USP39: variants seen among roughly 807,000 people sequenced by gnomAD.
USP39 encodes ubiquitin carboxyl-terminal hydrolase 39.
In USP39, 38 loss-of-function variants were observed where a neutral mutation model predicts 66.4. The observed-to-expected ratio is 0.57, with a 90% CI of 0.44 to 0.75. The LOEUF (loss-of-function observed/expected upper bound fraction) is 0.75, where lower values mean the gene tolerates loss of function less well. USP39 is among the 30% of genes least tolerant of loss of function. The pLI is 0.00. For synonymous variants in USP39, 303 were observed against 274.6 expected (o/e 1.10, Z -1.02); for missense variants, 608 against 714.4 (o/e 0.85, Z 1.70).
intron 10 of USP39, 117 bp from the exon 11 acceptor site, chr2:85,644,831 C>A: frequency 7.2e-7 from 1 of 1,393,624 alleles, no homozygotes; most frequent in Non-Finnish European, 9.7e-7. Context: ...GCAAGCCTAC[C>A]CAGAGAAAGG....
intron 10 of USP39, among the ~76,000 whole-genome samples, chr2:85,643,049 C>T (rs1235039645): frequency 1.4e-5 from 2 of 144,782 alleles, no homozygotes; most frequent in Non-Finnish European, 3.0e-5. Context: ...CCTGCCTGGA[C>T]AACATAGCAA....
upstream of USP39, chr2:85,609,456 G>C (rs751887839): frequency 9.9e-6 from 16 of 1,614,048 alleles, no homozygotes; most frequent in African/African-American, 1.7e-4. Context: ...TAACTGATGT[G>C]ACCTCTCCAC....
chr2:85,611,113 G>T, upstream of USP39: 1 of 318,348 alleles, frequency 3.1e-6, no homozygotes, highest in Non-Finnish European at 4.8e-6. Flanking sequence ...GGTGGCACAC[G>T]CCTGTGGTCC....
At chr2:85,605,752 T>C (rs1038059298) in intron 1 of USP39, among the ~76,000 whole-genome samples, 1 of 152,158 alleles carries the variant, frequency 6.6e-6, no homozygotes, top group Non-Finnish European at 1.5e-5. Flanking sequence ...GCACAGCAGA[T>C]TGGATACTCA....
rs1172277229 is a variant in USP39, at chr2:85,630,807, G to C, written c.810G>C (p.Met270Ile). The change falls in exon 6 of 13, where the codon ATG becomes ATC. Residue 270 changes from methionine (M) to isoleucine (I), a missense_variant. Met to Ile is a conservative substitution (Grantham distance 10). Transcript: ENST00000323701. Reference sequence around the variant, plus strand: ...TCAAACGTCCTCCAGGGGATATCATGTTCTTGTTGGTCCAGCGTTTTGGAG... The same window carrying C: ...TCAAACGTCCTCCAGGGGATATCATCTTCTTGTTGGTCCAGCGTTTTGGAG... ...KNIKRPPGDIMFLLVQRFGEL... is the reference protein window; with the variant it reads ...KNIKRPPGDIIFLLVQRFGEL... 6.2e-7 allele frequency: 1 copy of C among 1,614,208 alleles called. No homozygotes were observed. The highest frequency in any genetic ancestry group is 1.7e-5 in the Admixed American group (1 of 60,016).
intron 1 of USP39, 76 bp from the exon 2 acceptor site, chr2:85,619,144 T>C (rs1414866581): frequency 6.6e-7 from 1 of 1,509,354 alleles, no homozygotes; most frequent in African/African-American, 1.4e-5. Context: ...CCCATTTCTG[T>C]TTCTTTTTTT....
chr2:85,636,516 A>G (rs982120865), intron 7 of USP39, among the ~76,000 whole-genome samples: 1 of 151,934 alleles, frequency 6.6e-6, no homozygotes, highest in African/African-American at 2.4e-5. Context: ...TTTATTATAT[A>G]TATATTTTGA....
At chr2:85,625,995 G>A (rs1468817610) in intron 5 of USP39, among the ~76,000 whole-genome samples, 1 of 151,906 alleles carries the variant, frequency 6.6e-6, no homozygotes, top group African/African-American at 2.4e-5. Context: ...TCCAGCCTGG[G>A]GAACAGTGAG....
upstream of USP39, among the ~76,000 whole-genome samples, chr2:85,614,243 C>T (rs952819487): frequency 3.9e-5 from 6 of 152,092 alleles, no homozygotes; most frequent in East Asian, 5.8e-4. Context: ...AGCCAGGTGT[C>T]GCGGCTTATG....
Position 85,616,437 on chromosome 2 carries a change from A to T in USP39, c.242A>T (p.Asp81Val). ...RVKREREVDEDSEPEREVRAK... is the reference protein window; with the variant it reads ...RVKREREVDEVSEPEREVRAK... ...AAGCGGGAGCGCGAGGTCGATGAGGACTCGGAGCCTGAGCGGGAGGTGCGA... is the reference window on the plus strand; with the variant it reads ...AAGCGGGAGCGCGAGGTCGATGAGGTCTCGGAGCCTGAGCGGGAGGTGCGA... Residue 81 changes from aspartate (D) to valine (V), a missense_variant, in exon 1 of 13, where the codon GAC becomes GTC. By Grantham distance (152) the Asp-to-Val change is radical. Around this residue, in one of 6 missense-constraint regions of USP39, gnomAD observed 207 missense variants for 145.7 expected, o/e 1.42. Coordinates refer to ENST00000323701, the MANE Select transcript of USP39 (RefSeq NM_006590.4). 2 of 1,569,850 alleles carry T rather than the reference A, an allele frequency of 1.3e-6. No individual in the cohort carries two copies. The highest frequency in any genetic ancestry group is 1.7e-4 in the Middle Eastern group (1 of 5,942).
chr2:85,639,222 A>G lies in USP39; in HGVS notation c.1115A>G (p.Gln372Arg). 1.2e-6 allele frequency: 2 copies of G among 1,612,698 alleles called. No individual in the cohort carries two copies. Among genetic ancestry groups the G allele is most frequent in the Non-Finnish European group, 1.7e-6 (2 of 1,179,470 alleles). Residue 372 changes from glutamine to arginine, a missense_variant, in exon 9 of 13, where the codon CAG becomes CGG. Physicochemically the swap from Gln to Arg is conservative, Grantham distance 43. Transcript: ENST00000323701. ...TTCTAGCCAGCAGAAGAAAAAGAGC[A>G]GTTGCTCCATAATGACGAGTACCAG... is the stretch of plus-strand genomic sequence containing the variant. ...HPDLPAEEKE[Q>R]LLHNDEYQET...
At chr2:85,634,218 C>T (rs1323391784) in intron 6 of USP39, among the ~76,000 whole-genome samples, 3 of 151,860 alleles carry the variant, frequency 2.0e-5, no homozygotes, top group Non-Finnish European at 4.4e-5. Flanking sequence ...CCATGGAGCA[C>T]TTGTTTCAGG....
intron 7 of USP39, among the ~76,000 whole-genome samples, chr2:85,637,081 G>A (rs1462544979): frequency 1.3e-5 from 2 of 152,136 alleles, no homozygotes; most frequent in African/African-American, 2.4e-5. Flanking sequence ...TGTAATTCAT[G>A]TATCACCATT....
chr2:85,609,189 T>C, upstream of USP39: 4 of 1,388,898 alleles, frequency 2.9e-6, no homozygotes, highest in East Asian at 2.4e-5. Flanking sequence ...GCACCTGTCA[T>C]TTCCTATGTG....
chr2:85,612,361 T>TA (rs1225728285), upstream of USP39: 2 of 1,536,072 alleles, frequency 1.3e-6, no homozygotes. Context: ...TTTTTTCTGG[T>TA]AATAGGATGC....
chr2:85,608,916 C>A, upstream of USP39: 2 of 1,610,224 alleles, frequency 1.2e-6, no homozygotes, highest in South Asian at 2.2e-5. Context: ...TGCAGTGAAT[C>A]CAGCCTGGAG....
At chr2:85,626,369 A>G (rs545498305) in intron 5 of USP39, among the ~76,000 whole-genome samples, 53 of 152,328 alleles carry the variant, frequency 3.5e-4, no homozygotes, top group African/African-American at 1.2e-3. Flanking sequence ...TCTCAAAAAA[A>G]GAAATTACTG....
At chr2:85,615,950 A>T (rs1194718379), upstream of USP39, 1 of 715,670 alleles carries the variant, frequency 1.4e-6, no homozygotes, top group Non-Finnish European at 1.7e-6. Context: ...TATCCAGAAA[A>T]CTGTCGCCAG....
intron 5 of USP39, among the ~76,000 whole-genome samples, chr2:85,627,196 A>C (rs1674939517): frequency 6.6e-6 from 1 of 151,886 alleles, no homozygotes; most frequent in East Asian, 1.9e-4. Context: ...CCCCAGGTTC[A>C]AGTGATTCTT....
Sources: gnomAD v4.1 joint callset for allele counts (sites outside exome capture counted in the v4.1 genomes callset) on GRCh38, gnomAD v4.1.1 for gene constraint, gnomAD v4.1.1 regional missense constraint, MANE v1.5 for transcripts, NCBI Gene and HGNC (gene_info 2026-07-23, HGNC 2026-07-21) for gene names.